The following MAGI1 variants were observed in gnomAD, a reference collection of about 807,000 sequenced individuals.
The protein encoded by MAGI1 is membrane associated guanylate kinase, WW and PDZ domain containing 1.
MAGI1 carries 58 observed loss-of-function variants against 139.9 expected under a neutral mutation model. That is an observed-to-expected ratio of 0.41 (90% CI 0.34 to 0.52). The LOEUF (loss-of-function observed/expected upper bound fraction) is 0.52. Among genes scored for constraint, MAGI1 ranks in the 20% least tolerant of loss-of-function variants. The pLI is 0.12. For synonymous variants in MAGI1, 812 were observed against 737.9 expected (o/e 1.10, Z -1.63); for missense variants, 1,874 against 1,901.6 (o/e 0.99, Z 0.27).
At chr3:65,453,475 A>G (rs1285950392) in intron 5 of MAGI1, 135 bp from the exon 6 acceptor site, 1 of 667,096 alleles carries the variant, frequency 1.5e-6, no homozygotes, top group African/African-American at 1.8e-5. Flanking sequence ...AGCAAATCCA[A>G]ACCAGAAGAG....
At chr3:65,710,626 A>T (rs564030420) in intron 1 of MAGI1, among the ~76,000 whole-genome samples, 4 of 152,184 alleles carry the variant, frequency 2.6e-5, no homozygotes, top group African/African-American at 9.6e-5. Flanking sequence ...TTGAGTTAAC[A>T]CTATTATCTC....
At chr3:65,504,034 G>C (rs2077182460) in intron 2 of MAGI1, among the ~76,000 whole-genome samples, 1 of 152,162 alleles carries the variant, frequency 6.6e-6, no homozygotes, top group Admixed American at 6.5e-5. Flanking sequence ...AATACAAAAA[G>C]AGAGTATATG....
chr3:65,846,991 A>AC (rs1274433751), intron 1 of MAGI1, among the ~76,000 whole-genome samples: 1 of 151,312 alleles, frequency 6.6e-6, no homozygotes, highest in Non-Finnish European at 1.5e-5. Context: ...AAAAAAAAAA[A>AC]AAAAACCCTA....
At chr3:65,395,213 C>A (rs1053598254) in intron 13 of MAGI1, among the ~76,000 whole-genome samples, 3 of 151,958 alleles carry the variant, frequency 2.0e-5, no homozygotes, top group Non-Finnish European at 4.4e-5. Flanking sequence ...GAAATTTATC[C>A]CTGGGAATGT....
intron 2 of MAGI1, chr3:65,619,933 C>T (rs1287474931): frequency 5.1e-6 from 5 of 985,212 alleles, no homozygotes; most frequent in Non-Finnish European, 6.0e-6. Flanking sequence ...ACATCAATGC[C>T]AAGGGGCTTT....
chr3:65,471,140 T>C (rs1294291840), intron 4 of MAGI1, among the ~76,000 whole-genome samples: 2 of 152,140 alleles, frequency 1.3e-5, no homozygotes, highest in African/African-American at 4.8e-5. Context: ...CCCAGAACAG[T>C]ATCATGTGGG....
At chr3:65,497,136 G>A (rs2107683801) in intron 2 of MAGI1, among the ~76,000 whole-genome samples, 1 of 152,136 alleles carries the variant, frequency 6.6e-6, no homozygotes, top group Admixed American at 6.5e-5. Context: ...CAGAGTAGAG[G>A]GTGGAATGTA....
intron 5 of MAGI1, among the ~76,000 whole-genome samples, chr3:65,462,297 A>G (rs1949853005): frequency 6.6e-6 from 1 of 152,176 alleles, no homozygotes; most frequent in Non-Finnish European, 1.5e-5. Flanking sequence ...ATTTTTGTAT[A>G]AGGTGTAAGT....
At chr3:65,772,527 A>G (rs370719712) in intron 1 of MAGI1, among the ~76,000 whole-genome samples, 1 of 152,214 alleles carries the variant, frequency 6.6e-6, no homozygotes, top group African/African-American at 2.4e-5. Flanking sequence ...TCATGGTGCT[A>G]CAAGGGAGGG....
rs545444070 is a variant in MAGI1, at chr3:65,991,099, G to A, written c.313+46897C>T. On this transcript the variant is annotated intron_variant, in intron 1 of 22. Coordinates refer to ENST00000402939, the MANE Select transcript of MAGI1 (RefSeq NM_001033057.2). ...AGGTCAGGAGTTGGAGACCAGCCTG[G>A]CCAACAGCGTGAAACTCCATTTCTA... Among the ~76,000 whole-genome samples the A allele has an allele frequency of 7.9e-5, 12 of 152,058 alleles. No individual in the cohort carries two copies. The East Asian group carries it at 2.3e-3, about 30-fold the overall frequency.
In MAGI1 at chr3:65,478,708, G is replaced by C. The variant is rs201752505; in HGVS notation, c.641C>G (p.Ser214Cys). 5.0e-5 allele frequency: 81 copies of C among 1,614,060 alleles called. No individual in the cohort carries two copies. Among genetic ancestry groups the C allele is most frequent in the Admixed American group, 4.5e-4 (27 of 59,992 alleles). The change falls in exon 4 of 23, where the codon TCT becomes TGT. Residue 214 changes from serine (S) to cysteine (C), a missense_variant. Ser to Cys is a moderately radical substitution (Grantham distance 112, BLOSUM62 -1). Around this residue, in one of 5 missense-constraint regions of MAGI1, gnomAD observed 648 missense variants for 598.1 expected, o/e 1.08. Coordinates refer to ENST00000402939, the MANE Select transcript of MAGI1 (RefSeq NM_001033057.2). ...TDALHSLQSG[S>C]KQSTPKRTKS... ...GGTTCGCTTCGGGGTCGACTGCTTAGAGCCAGACTGAAGGCTGTGCAAGGC... is the reference window on the plus strand; with the variant it reads ...GGTTCGCTTCGGGGTCGACTGCTTACAGCCAGACTGAAGGCTGTGCAAGGC...
At chr3:65,833,769 T>C (rs1240530328) in intron 1 of MAGI1, among the ~76,000 whole-genome samples, 1 of 152,190 alleles carries the variant, frequency 6.6e-6, no homozygotes, top group African/African-American at 2.4e-5. Flanking sequence ...TTCAACCTAC[T>C]ACAATCTGAG....
intron 1 of MAGI1, among the ~76,000 whole-genome samples, chr3:65,693,187 C>T (rs2088833887): frequency 6.6e-6 from 1 of 152,156 alleles, no homozygotes; most frequent in Non-Finnish European, 1.5e-5. Context: ...TCAACCAATC[C>T]TCCCGCCTCA....
chr3:65,453,646 C>T (rs1326216255), intron 5 of MAGI1, among the ~76,000 whole-genome samples: 2 of 151,958 alleles, frequency 1.3e-5, no homozygotes, highest in African/African-American at 4.8e-5. Context: ...TACCATCTAC[C>T]CTTGTCTAGA....
chr3:65,837,353 C>T (rs566217201), intron 1 of MAGI1, among the ~76,000 whole-genome samples: 15 of 152,258 alleles, frequency 9.9e-5, no homozygotes, highest in Middle Eastern at 3.4e-3. Context: ...CACCTGCTGA[C>T]GGAAGATAAA....
chr3:65,714,877 G>C (rs1165075441), intron 1 of MAGI1, among the ~76,000 whole-genome samples: 1 of 152,144 alleles, frequency 6.6e-6, no homozygotes, highest in Admixed American at 6.5e-5. Flanking sequence ...AGTTTCTTCT[G>C]TTCCTCACTA....
intron 13 of MAGI1, among the ~76,000 whole-genome samples, chr3:65,397,049 G>A (rs1255843258): frequency 6.6e-6 from 1 of 152,148 alleles, no homozygotes; most frequent in Non-Finnish European, 1.5e-5. Flanking sequence ...GAGTTGCCAC[G>A]GGAAGTGAGA....
At chr3:65,766,016 G>A (rs1039749390) in intron 1 of MAGI1, among the ~76,000 whole-genome samples, 1 of 152,176 alleles carries the variant, frequency 6.6e-6, no homozygotes, top group Admixed American at 6.6e-5. Context: ...TGCTTATTAA[G>A]TTGAGATGAG....
chr3:65,972,592 A>C (rs2065062795), intron 1 of MAGI1, among the ~76,000 whole-genome samples: 1 of 152,168 alleles, frequency 6.6e-6, no homozygotes, highest in African/African-American at 2.4e-5. Context: ...TATTCAGTCC[A>C]AAATATCATG....
Sources: allele counts gnomAD v4.1 joint callset (sites outside exome capture counted in the v4.1 genomes callset), GRCh38; gene constraint gnomAD v4.1.1; regional missense constraint gnomAD v4.1.1; transcripts MANE v1.5; gene names NCBI Gene and HGNC (gene_info 2026-07-23, HGNC 2026-07-21).